The following ZNF83 variants were observed in gnomAD, a reference collection of about 807,000 sequenced individuals.
ZNF83 encodes zinc finger protein 83, also known as zinc finger protein 816B.
For synonymous variants in ZNF83, 209 were observed against 213.0 expected (o/e 0.98, Z 0.17); for missense variants, 552 against 629.9 (o/e 0.88, Z 1.32).
chr19:52,681,280 CA>C (rs56916405), intron 1 of ZNF83, among the ~76,000 whole-genome samples: 406 of 75,416 alleles, frequency 5.4e-3, no homozygotes, highest in African/African-American at 0.012. Context: ...GAGACTTTCT[CA>C]AAAAAAAAAA....
At chr19:52,628,288 T>C (rs1432635109) in intron 2 of ZNF83, among the ~76,000 whole-genome samples, 2 of 152,142 alleles carry the variant, frequency 1.3e-5, no homozygotes, top group African/African-American at 2.4e-5. Flanking sequence ...ACCTACGACC[T>C]CAGGTCCTCA....
At chr19:52,644,250 T>A (rs1012715540) in intron 3 of ZNF83, among the ~76,000 whole-genome samples, 4 of 151,806 alleles carry the variant, frequency 2.6e-5, no homozygotes, top group African/African-American at 9.7e-5. Flanking sequence ...CAGTCCCCTC[T>A]CACAGAAAAA....
chr19:52,658,119 A>G (rs1304103893), intron 2 of ZNF83, among the ~76,000 whole-genome samples: 2 of 148,800 alleles, frequency 1.3e-5, no homozygotes, highest in African/African-American at 5.0e-5. Context: ...CTCGGCAACC[A>G]GAGTGAAACT....
Position 52,635,136 on chromosome 19 carries a change from A to T in ZNF83, c.-304T>A, listed in dbSNP as rs566078401. 45 of 661,050 alleles carry T rather than the reference A, an allele frequency of 6.8e-5. No homozygotes were observed. The South Asian group carries it at 7.7e-4, about 11-fold the overall frequency. 40.9% of individuals were successfully genotyped at this position (661,050 alleles called of 1,614,324 possible). A position where few individuals can be genotyped will look rare whatever the true frequency, so the allele number is the denominator to read the frequency against. ...CCGGGTTTCTTCCTCATGTACCAAG[A>T]GTCCTTAGAAGTCAATCCTGAATGT... On this transcript the variant is annotated 5_prime_UTR_variant, in exon 2 of 3. Transcript: ENST00000301096.
chr19:52,644,083 G>A (rs759020933), intron 3 of ZNF83, among the ~76,000 whole-genome samples: 1 of 152,142 alleles, frequency 6.6e-6, no homozygotes, highest in African/African-American at 2.4e-5. Context: ...GGACTGACAT[G>A]ACCTGCTTTA....
intron 2 of ZNF83, among the ~76,000 whole-genome samples, chr19:52,633,803 A>G (rs1029634534): frequency 2.6e-5 from 4 of 152,208 alleles, no homozygotes; most frequent in East Asian, 1.9e-4. Context: ...CCAGCTACTC[A>G]GGAGGCTGAG....
At position 52,681,280 on chromosome 19, in the gene ZNF83, CAA is replaced by C. The variant is rs56916405; in HGVS notation, c.-283+9161_-283+9162del. On this transcript the variant is annotated intron_variant, in intron 1 of 5. Coordinates refer to the ZNF83 transcript ENST00000594682. ...CCTGGGTGACAGAGTGAGACTTTCT[CAA>C]AAAAAAAAAAAAAAAAAAAGCAAAC... Among the ~76,000 whole-genome samples, 631 of 75,416 alleles carry C rather than the reference CAA, an allele frequency of 8.4e-3. 6 individuals are homozygous for C. Among genetic ancestry groups the C allele is most frequent in the South Asian group, 0.036 (57 of 1,564 alleles). 49.5% of individuals were successfully genotyped at this position (75,416 alleles called of 152,430 possible). A position where few individuals can be genotyped will look rare whatever the true frequency, so the allele number is the denominator to read the frequency against.
rs998660343 is a variant in ZNF83, at chr19:52,671,577, G to C, written c.-282-10734C>G. Among the ~76,000 whole-genome samples, 22 of 152,058 alleles carry C rather than the reference G, an allele frequency of 1.4e-4. 1 individual carries two copies. Among genetic ancestry groups the C allele is most frequent in the African/African-American group, 4.6e-4 (19 of 41,410 alleles). On this transcript the variant is annotated intron_variant, in intron 1 of 5. Transcript: ENST00000594682. Reference sequence around the variant, plus strand: ...TCCCGCCACACCTCCCAACTAGCTGGAGCTGCAGGCCCTCACCACCAAGCC... The same window carrying C: ...TCCCGCCACACCTCCCAACTAGCTGCAGCTGCAGGCCCTCACCACCAAGCC...
At chr19:52,662,167 T>G (rs1316025619) in intron 1 of ZNF83, among the ~76,000 whole-genome samples, 1 of 152,212 alleles carries the variant, frequency 6.6e-6, no homozygotes, top group African/African-American at 2.4e-5. Flanking sequence ...ACAACTTTTC[T>G]TTACGTTATA....
chr19:52,639,392 C>A, upstream of ZNF83, among the ~76,000 whole-genome samples: 1 of 102,752 alleles, frequency 9.7e-6, no homozygotes, highest in Non-Finnish European at 2.0e-5. Context: ...GGCTTATTTT[C>A]TTTTATATAT....
At chr19:52,680,819 A>G (rs1017880345) in intron 1 of ZNF83, among the ~76,000 whole-genome samples, 5 of 149,740 alleles carry the variant, frequency 3.3e-5, no homozygotes, top group African/African-American at 1.2e-4. Flanking sequence ...TCACCGTGTT[A>G]GCCAGGATGG....
chr19:52,613,637 T>C (rs748462129), exon 3 of ZNF83: 3 of 1,613,956 alleles, frequency 1.9e-6, no homozygotes, highest in Non-Finnish European at 2.5e-6. Context: ...CCAGTATGAA[T>C]TCTCCAGTGA....
intron 2 of ZNF83, among the ~76,000 whole-genome samples, chr19:52,632,012 G>A (rs1357458011): frequency 1.3e-5 from 2 of 152,084 alleles, no homozygotes; most frequent in Admixed American, 1.3e-4. Context: ...TACTCAACGT[G>A]CCCTGAGTCA....
At position 52,668,423 on chromosome 19, in the gene ZNF83, A is replaced by G. The variant is rs185070098; in HGVS notation, c.-282-7580T>C. ...TTTCCTTTCCTTTCCCAGTGCTTATATCCATTACTATTCCTACCACTAGCA... is the reference window on the plus strand; with the variant it reads ...TTTCCTTTCCTTTCCCAGTGCTTATGTCCATTACTATTCCTACCACTAGCA... On this transcript the variant is annotated intron_variant, in intron 1 of 5. Coordinates refer to the ZNF83 transcript ENST00000594682. 9.7e-4 allele frequency among the ~76,000 whole-genome samples: 147 copies of G among 152,230 alleles called. 1 individual carries two copies. The highest frequency in any genetic ancestry group is 1.6e-3 in the Non-Finnish European group (112 of 68,022).
chr19:52,655,922 AAT>A (rs35677320), intron 2 of ZNF83, among the ~76,000 whole-genome samples: 79,561 of 151,766 alleles, frequency 0.52, 21,387 homozygotes, highest in East Asian at 0.71. Flanking sequence ...AAATACAAAA[AAT>A]ATATGTCTGG....
chr19:52,621,070 A>C (rs934398047), intron 2 of ZNF83, among the ~76,000 whole-genome samples: 1 of 152,128 alleles, frequency 6.6e-6, no homozygotes, highest in African/African-American at 2.4e-5. Flanking sequence ...TGTTGCTCAC[A>C]CAAAACCTGT....
chr19:52,650,104 A>G (rs1160425937), intron 3 of ZNF83, among the ~76,000 whole-genome samples: 1 of 152,134 alleles, frequency 6.6e-6, no homozygotes, highest in Non-Finnish European at 1.5e-5. Context: ...ATTTCAAAAG[A>G]GAATGTCCTG....
intron 1 of ZNF83, among the ~76,000 whole-genome samples, chr19:52,679,811 T>C (rs778816480): frequency 1.3e-5 from 2 of 152,086 alleles, no homozygotes; most frequent in African/African-American, 4.8e-5. Flanking sequence ...ACTCACTCCA[T>C]AGGGGAGTGC....
At chr19:52,613,395 T>C (rs761658103) in exon 3 of ZNF83, 2 of 1,578,162 alleles carry the variant, frequency 1.3e-6, no homozygotes, top group East Asian at 4.5e-5. Context: ...TTCTGTGATG[T>C]TGTACAAGAT....
Sources: gnomAD v4.1 joint callset for allele counts (sites outside exome capture counted in the v4.1 genomes callset) on GRCh38, gnomAD v4.1.1 for gene constraint, MANE v1.5 for transcripts, NCBI Gene and HGNC (gene_info 2026-07-23, HGNC 2026-07-21) for gene names.